Variants in CDH13 observed in about 807,000 individuals in gnomAD.
CDH13 encodes the protein cadherin 13, also known as cadherin-13.
In CDH13, 24 loss-of-function variants were observed where a neutral mutation model predicts 63.8. The ratio of observed to expected loss-of-function variants is 0.38; its 90% CI spans 0.27 to 0.53. The LOEUF (loss-of-function observed/expected upper bound fraction) is 0.53, where lower values mean the gene tolerates loss of function less well. Ranked by LOEUF, CDH13 falls within the 20% of genes least tolerant of loss-of-function variation. CDH13 has a pLI of 0.85. For synonymous variants in CDH13, 503 were observed against 355.3 expected (o/e 1.42, Z -4.67); for missense variants, 1,049 against 903.1 (o/e 1.16, Z -2.07).
intron 10 of CDH13, among the ~76,000 whole-genome samples, chr16:83,685,737 C>T (rs767854284): frequency 6.6e-6 from 1 of 152,140 alleles, no homozygotes; most frequent in Non-Finnish European, 1.5e-5. Context: ...GAAGAAGGAG[C>T]AGAGTGGCAC....
chr16:83,655,511 G>A (rs1450902818), intron 8 of CDH13, among the ~76,000 whole-genome samples: 9 of 152,182 alleles, frequency 5.9e-5, no homozygotes, highest in Non-Finnish European at 1.3e-4. Context: ...GAACGACACA[G>A]GTAGAGTCCT....
At chr16:82,997,004 AGTGATGGTGATGGTGATGATG>A (rs1912294289) in intron 2 of CDH13, among the ~76,000 whole-genome samples, 1 of 123,342 alleles carries the variant, frequency 8.1e-6, no homozygotes, top group African/African-American at 3.5e-5. Context: ...TGATGATGAT[AGTGATGGTGATGGTGATGATG>A]GTGATGGTGG....
chr16:82,672,687 C>A (rs1055933346), intron 1 of CDH13, among the ~76,000 whole-genome samples: 47 of 151,902 alleles, frequency 3.1e-4, no homozygotes, highest in African/African-American at 1.0e-3. Flanking sequence ...CTCACTGATT[C>A]ACTGTTCTCC....
In CDH13 at chr16:82,975,114, A is replaced by G. The variant is rs576959793; in HGVS notation, c.158-56896A>G. 2.0e-3 allele frequency among the ~76,000 whole-genome samples: 305 copies of G among 152,338 alleles called. 1 individual carries two copies. Among genetic ancestry groups the G allele is most frequent in the Middle Eastern group, 0.017 (5 of 294 alleles). On this transcript the variant is annotated intron_variant, in intron 2 of 13. Coordinates refer to ENST00000567109, the MANE Select transcript of CDH13 (RefSeq NM_001257.5). ...GTCCGATGGGTATAAAGCATAAACA[A>G]GTCTTGAATAAAGAGTCAGAATTCC...
chr16:82,785,961 T>G (rs1486676846), intron 1 of CDH13, among the ~76,000 whole-genome samples: 1 of 152,196 alleles, frequency 6.6e-6, no homozygotes, highest in Non-Finnish European at 1.5e-5. Flanking sequence ...ACTGTGTGGT[T>G]CCCCTGTTGG....
chr16:83,674,246 A>T (rs1914762365), intron 9 of CDH13, among the ~76,000 whole-genome samples: 1 of 152,200 alleles, frequency 6.6e-6, no homozygotes, highest in Non-Finnish European at 1.5e-5. Context: ...ATTGGCCAAC[A>T]GTTCCAGGTG....
At chr16:83,020,218 G>C (rs1915219522) in intron 2 of CDH13, among the ~76,000 whole-genome samples, 1 of 152,168 alleles carries the variant, frequency 6.6e-6, no homozygotes. Flanking sequence ...CCCCACACCT[G>C]CATAGCTGTA....
intron 4 of CDH13, among the ~76,000 whole-genome samples, chr16:83,140,884 C>A (rs972746036): frequency 1.3e-5 from 2 of 152,164 alleles, no homozygotes; most frequent in Non-Finnish European, 2.9e-5. Flanking sequence ...CCAAGAATGC[C>A]CAGCAATGTA....
intron 3 of CDH13, among the ~76,000 whole-genome samples, chr16:83,110,689 G>C (rs1229448939): frequency 6.6e-6 from 1 of 152,096 alleles, no homozygotes; most frequent in African/African-American, 2.4e-5. Context: ...GATAACCGAA[G>C]TACATTTCCA....
intron 2 of CDH13, among the ~76,000 whole-genome samples, chr16:82,880,602 C>T (rs554168338): frequency 6.6e-6 from 1 of 152,192 alleles, no homozygotes; most frequent in South Asian, 2.1e-4. Flanking sequence ...AGAAGGCCAG[C>T]TGCTACTCTA....
intron 5 of CDH13, among the ~76,000 whole-genome samples, chr16:83,299,157 A>G (rs904214166): frequency 6.6e-6 from 1 of 152,190 alleles, no homozygotes; most frequent in Non-Finnish European, 1.5e-5. Context: ...TCTAATCTGA[A>G]TGGAGATAAT....
intron 1 of CDH13, among the ~76,000 whole-genome samples, chr16:82,708,643 G>C (rs2031678338): frequency 6.6e-6 from 1 of 152,118 alleles, no homozygotes; most frequent in South Asian, 2.1e-4. Context: ...CTAAAGGGAA[G>C]ATCTGATTCG....
In CDH13 at chr16:83,028,198, C is replaced by T. The variant is rs115711794; in HGVS notation, c.158-3812C>T. On this transcript the variant is annotated intron_variant, in intron 2 of 13. Transcript: ENST00000567109. The stretch of plus-strand genomic sequence containing the variant: ...GCCTTGTCATTTGAGTAATTTGCCT[C>T]CAGTGGATGAATACTAATTGATGAT... Among the ~76,000 whole-genome samples the T allele has an allele frequency of 5.8e-3, 879 of 152,248 alleles. 10 individuals carry two copies. The highest frequency in any genetic ancestry group is 0.02 in the African/African-American group (845 of 41,544).
chr16:82,989,295 C>G (rs1911357179), intron 2 of CDH13, among the ~76,000 whole-genome samples: 1 of 152,214 alleles, frequency 6.6e-6, no homozygotes, highest in South Asian at 2.1e-4. Context: ...CCTGGGTGTC[C>G]TCAGACAAGC....
In CDH13 at chr16:83,171,429, G is replaced by A. The variant is rs150289660; in HGVS notation, c.484-45916G>A. 1.9e-3 allele frequency: 1,986 copies of A among 1,058,448 alleles called. 35 individuals are homozygous for A. The African/African-American group carries it at 0.028, about 15-fold the overall frequency. The allele number at this position is 1,058,448 out of a possible 1,614,324, so 65.6% of individuals were successfully genotyped here. ...TTACAGTTGAACATGAGATTTGGGT[G>A]AGGACACAGATCCAAACCATATCAA... On this transcript the variant is annotated intron_variant, in intron 4 of 13. Coordinates refer to ENST00000567109, the MANE Select transcript of CDH13 (RefSeq NM_001257.5).
At chr16:83,428,616 G>A (rs1020370760) in intron 6 of CDH13, among the ~76,000 whole-genome samples, 3 of 152,184 alleles carry the variant, frequency 2.0e-5, no homozygotes, top group African/African-American at 7.2e-5. Context: ...TGCTTGGCAT[G>A]TAGAGAGGAT....
chr16:83,405,089 T>C (rs965303247), intron 6 of CDH13, among the ~76,000 whole-genome samples: 1 of 151,562 alleles, frequency 6.6e-6, no homozygotes, highest in African/African-American at 2.4e-5. Context: ...GTAAGAAAAG[T>C]AGAAATCTCC....
chr16:83,773,510 G>T (rs561129312), intron 11 of CDH13, among the ~76,000 whole-genome samples: 2 of 152,190 alleles, frequency 1.3e-5, no homozygotes, highest in East Asian at 3.9e-4. Flanking sequence ...AAAACCATCC[G>T]ATCTCATGAG....
At chr16:83,281,226 T>C (rs1176244935) in intron 5 of CDH13, among the ~76,000 whole-genome samples, 2 of 152,274 alleles carry the variant, frequency 1.3e-5, no homozygotes, top group Non-Finnish European at 2.9e-5. Flanking sequence ...GCAGCTTCTA[T>C]ATCAGCACTC....
Sources: allele counts gnomAD v4.1 joint callset (sites outside exome capture counted in the v4.1 genomes callset), GRCh38; gene constraint gnomAD v4.1.1; transcripts MANE v1.5; gene names NCBI Gene and HGNC (gene_info 2026-07-23, HGNC 2026-07-21).